The following CHMP1A variants were observed in gnomAD, a reference collection of about 807,000 sequenced individuals.
CHMP1A encodes the protein charged multivesicular body protein 1A.
CHMP1A carries 17 observed loss-of-function variants against 27.0 expected under a neutral mutation model. The observed-to-expected ratio is 0.63, with a 90% CI of 0.43 to 0.95. CHMP1A has a LOEUF of 0.95. CHMP1A is among the 40% of genes least tolerant of loss of function. The pLI is 0.00. For synonymous variants in CHMP1A, 131 were observed against 107.5 expected, an observed-to-expected ratio of 1.22 and a Z score of -1.35; for missense variants, 275 against 264.0, an observed-to-expected ratio of 1.04 and a Z score of -0.29.
intron 6 of CHMP1A, 58 bp downstream of exon 6, chr16:89,646,469 C>G (rs1261179245): frequency 6.8e-7 from 1 of 1,471,882 alleles, no homozygotes; most frequent in Non-Finnish European, 9.2e-7. Context: ...CCCTCTCTCC[C>G]TTCCCACAGC....
chr16:89,653,880 G>A (rs754831534), intron 2 of CHMP1A, 24 bp downstream of exon 2: 2 of 1,611,898 alleles, frequency 1.2e-6, no homozygotes, highest in Non-Finnish European at 8.5e-7. Context: ...ACAGGGCTGG[G>A]GTGAACGGCC....
At chr16:89,646,342 C>T (rs533401314) in intron 6 of CHMP1A, among the ~76,000 whole-genome samples, 185 bp downstream of exon 6, 11 of 152,208 alleles carry the variant, frequency 7.2e-5, no homozygotes, top group Non-Finnish European at 1.2e-4. Context: ...CGGAGCAGGA[C>T]GGGGCAGCAG....
At chr16:89,651,084 TAGTG>T (rs1456402686) in intron 3 of CHMP1A, among the ~76,000 whole-genome samples, 1 of 151,764 alleles carries the variant, frequency 6.6e-6, no homozygotes, top group African/African-American at 2.4e-5. Context: ...TCAGAAATCA[TAGTG>T]AGGATTAGGC....
At position 89,649,706 on chromosome 16, in the gene CHMP1A, G is replaced by C. The variant is rs565104229; in HGVS notation, c.106-209C>G. ...TTCTCCTGCCTCAGCCTCCCGAGTA[G>C]TTGGGACTACAGGCGCCCGCCACCA... On this transcript the variant is annotated intron_variant, in intron 3 of 6. Transcript: ENST00000397901. 5.4e-4 allele frequency: 302 copies of C among 557,750 alleles called. 1 individual carries two copies. The highest frequency in any genetic ancestry group is 5.4e-3 in the African/African-American group (277 of 51,574). The allele number at this position is 557,750 out of a possible 1,614,324, so 34.6% of individuals were successfully genotyped here.
intron 1 of CHMP1A, among the ~76,000 whole-genome samples, chr16:89,654,424 C>G (rs887274641): frequency 3.3e-5 from 5 of 152,022 alleles, no homozygotes; most frequent in African/African-American, 1.2e-4. Context: ...TTTAAAAGTT[C>G]AGTACTTGAC....
At chr16:89,653,175 G>A (rs529405401) in intron 2 of CHMP1A, among the ~76,000 whole-genome samples, 5 of 150,814 alleles carry the variant, frequency 3.3e-5, no homozygotes, top group South Asian at 2.1e-4. Context: ...CTGCCACCGC[G>A]CCCGGCTAAT....
intron 2 of CHMP1A, among the ~76,000 whole-genome samples, chr16:89,653,622 C>G (rs1275433749): frequency 1.9e-5 from 1 of 51,498 alleles, no homozygotes; most frequent in African/African-American, 7.5e-5. Context: ...GACGCCGTCT[C>G]AAAAAAAAAA....
In CHMP1A at chr16:89,649,766, T is replaced by C. The variant is rs551829947; in HGVS notation, c.106-269A>G. Reference sequence around the variant, plus strand: ...AATTTTTTTGTATTTTTAGTAGAGATGGGGTTTCACCGTGTTAGCCAGGAT... The same window carrying C: ...AATTTTTTTGTATTTTTAGTAGAGACGGGGTTTCACCGTGTTAGCCAGGAT... On this transcript the variant is annotated intron_variant, in intron 3 of 6. Transcript: ENST00000397901. 6.6e-4 allele frequency among the ~76,000 whole-genome samples: 100 copies of C among 152,216 alleles called. 1 individual carries two copies. The highest frequency in any genetic ancestry group is 5.2e-3 in the South Asian group (25 of 4,832).
chr16:89,646,834 T>G, intron 5 of CHMP1A, 120 bp from the exon 6 acceptor site: 1 of 1,181,084 alleles, frequency 8.5e-7, no homozygotes, highest in Non-Finnish European at 1.2e-6. Flanking sequence ...CTTCTTGCCC[T>G]GTTCTCTCAG....
chr16:89,657,364 G>C (rs1026990861), intron 1 of CHMP1A, among the ~76,000 whole-genome samples: 1 of 150,448 alleles, frequency 6.6e-6, no homozygotes, highest in South Asian at 2.2e-4. Flanking sequence ...CGAGGCCCTG[G>C]GGATGGGGTC....
chr16:89,653,754 C>G, intron 2 of CHMP1A, 150 bp downstream of exon 2: 1 of 770,170 alleles, frequency 1.3e-6, no homozygotes, highest in Non-Finnish European at 2.2e-6. Context: ...CTCAATAATC[C>G]CCTCCTTGGT....
chr16:89,645,059 A>C lies in CHMP1A; in HGVS notation c.*1007T>G, dbSNP rs1404124566. 1.3e-5 allele frequency: 2 copies of C among 152,306 alleles called. No homozygotes were observed. Among genetic ancestry groups the C allele is most frequent in the Non-Finnish European group, 2.9e-5 (2 of 68,084 alleles). The allele number at this position is 152,306 out of a possible 1,614,324, so 9.4% of individuals were successfully genotyped here. On this transcript the variant is annotated 3_prime_UTR_variant, in exon 7 of 7. Coordinates refer to ENST00000397901, the MANE Select transcript of CHMP1A (RefSeq NM_002768.5). ...GCAGGTTTTCCTCACAGCAGCCCCAACCCCAGCCCAGCTGAAGACGGCTCT... is the reference window on the plus strand; with the variant it reads ...GCAGGTTTTCCTCACAGCAGCCCCACCCCCAGCCCAGCTGAAGACGGCTCT...
Position 89,656,576 on chromosome 16 carries a change from T to C in CHMP1A, c.7+1006A>G, listed in dbSNP as rs561645609. Among the ~76,000 whole-genome samples the C allele has an allele frequency of 5.2e-4, 79 of 152,296 alleles. 2 individuals carry two copies. The highest frequency in any genetic ancestry group is 1.2e-3 in the East Asian group (6 of 5,182). On this transcript the variant is annotated intron_variant, in intron 1 of 6. Transcript: ENST00000397901. ...GCCGGCTAGCCCCAGATGTAGAAGG[T>C]AAGAATTAGGGCGACCCATTGAGCA...
chr16:89,648,590 C>G (rs942401007), intron 4 of CHMP1A, among the ~76,000 whole-genome samples: 3 of 152,188 alleles, frequency 2.0e-5, no homozygotes, highest in African/African-American at 7.2e-5. Context: ...GTTGCCAAGA[C>G]CGAGGCCTGG....
chr16:89,655,801 T>G (rs2059860720), intron 1 of CHMP1A, among the ~76,000 whole-genome samples: 1 of 152,170 alleles, frequency 6.6e-6, no homozygotes, highest in African/African-American at 2.4e-5. Context: ...AATTTTTGTA[T>G]TTTTAGAAGA....
chr16:89,650,187 TC>T (rs1472078169), intron 3 of CHMP1A, among the ~76,000 whole-genome samples: 1 of 152,144 alleles, frequency 6.6e-6, no homozygotes, highest in Non-Finnish European at 1.5e-5. Flanking sequence ...TTCTTTTTTT[TC>T]TTTTTTTGGA....
chr16:89,647,580 C>CGGTGG lies in CHMP1A; in HGVS notation c.253-250_253-249insCCACC, dbSNP rs1568000290. ...CCGACGTGGAGACCCAGTGCGGGGT[C>CGGTGG]AGTGGAGAAAAGGCCGCCGACGTGG... On this transcript the variant is annotated intron_variant, in intron 4 of 6. Transcript: ENST00000397901. Among the ~76,000 whole-genome samples, 36 of 144,564 alleles carry CGGTGG rather than the reference C, an allele frequency of 2.5e-4. 2 individuals are homozygous for CGGTGG. The highest frequency in any genetic ancestry group is 5.7e-4 in the African/African-American group (22 of 38,284). The allele number at this position is 144,564 out of a possible 152,430, so 94.8% of individuals were successfully genotyped here.
At chr16:89,650,006 C>T (rs1485106400) in intron 3 of CHMP1A, among the ~76,000 whole-genome samples, 1 of 152,182 alleles carries the variant, frequency 6.6e-6, no homozygotes, top group Non-Finnish European at 1.5e-5. Flanking sequence ...TCCAGCACTC[C>T]ACTGGGCACG....
In CHMP1A at chr16:89,657,688, G is replaced by A; in HGVS notation, c.-100C>T. On this transcript the variant is annotated 5_prime_UTR_variant, in exon 1 of 7. Transcript: ENST00000397901. ...GATCGAACCGACCAAGCTGCACCCG[G>A]CGGGGACTTCCGGGGTCGCCGCCCC... The A allele has an allele frequency of 1.3e-6, 2 of 1,579,700 alleles. No homozygotes were observed. The highest frequency in any genetic ancestry group is 1.7e-6 in the Non-Finnish European group (2 of 1,165,300).
Sources: allele counts gnomAD v4.1 joint callset (sites outside exome capture counted in the v4.1 genomes callset), GRCh38; gene constraint gnomAD v4.1.1; transcripts MANE v1.5; gene names NCBI Gene and HGNC (gene_info 2026-07-23, HGNC 2026-07-21).